MYOM1: variants seen among roughly 807,000 people sequenced by gnomAD.
MYOM1 encodes the protein myomesin 1.
In MYOM1, 164 loss-of-function variants were observed where a neutral mutation model predicts 205.3. The ratio of observed to expected loss-of-function variants is 0.80; its 90% CI spans 0.70 to 0.91. The LOEUF is 0.91. Among genes scored for constraint, MYOM1 ranks in the 40% least tolerant of loss-of-function variants. MYOM1 has a pLI of 0.00. For synonymous variants in MYOM1, 772 were observed against 789.4 expected, an observed-to-expected ratio of 0.98 and a Z score of 0.37; for missense variants, 2,011 against 2,127.3, an observed-to-expected ratio of 0.95 and a Z score of 1.08.
intron 2 of MYOM1, among the ~76,000 whole-genome samples, chr18:3,199,317 T>C (rs1335643764): frequency 6.6e-6 from 1 of 152,162 alleles, no homozygotes; most frequent in Admixed American, 6.5e-5. Flanking sequence ...GAGGTTACAG[T>C]CAGGCTTGGG....
chr18:3,117,983 G>C (rs78436700), intron 20 of MYOM1, among the ~76,000 whole-genome samples: 412 of 152,244 alleles, frequency 2.7e-3, no homozygotes, highest in African/African-American at 9.5e-3. Flanking sequence ...ACCCAGGGAG[G>C]CATCTAGATT....
At chr18:3,156,643 T>C (rs2080305556) in intron 10 of MYOM1, among the ~76,000 whole-genome samples, 1 of 151,260 alleles carries the variant, frequency 6.6e-6, no homozygotes, top group Non-Finnish European at 1.5e-5. Flanking sequence ...TCTTGCTCTG[T>C]CACCCAGGCT....
At chr18:3,100,677 A>G (rs774557250) in intron 23 of MYOM1, among the ~76,000 whole-genome samples, 4 of 152,170 alleles carry the variant, frequency 2.6e-5, no homozygotes, top group South Asian at 4.1e-4. Context: ...CACATGCCCA[A>G]GCTATGTTGC....
At position 3,193,813 on chromosome 18, in the gene MYOM1, C is replaced by T; in HGVS notation, c.431+5G>A. ...ATTAAAGCCAGGAAGAAAAAGCACA[C>T]TCACCGTCCTGAGAAAATGGGTACC... is the stretch of plus-strand genomic sequence containing the variant. On this transcript the variant is annotated splice_donor_5th_base_variant and intron_variant, in intron 3 of 37. Transcript: ENST00000356443. The T allele has an allele frequency of 6.2e-7, 1 of 1,610,640 alleles. No individual in the cohort carries two copies. The highest frequency in any genetic ancestry group is 8.5e-7 in the Non-Finnish European group (1 of 1,178,602).
chr18:3,093,901 T>C (rs1383741107), intron 26 of MYOM1, among the ~76,000 whole-genome samples: 3 of 152,196 alleles, frequency 2.0e-5, no homozygotes, highest in Non-Finnish European at 4.4e-5. Flanking sequence ...TCTATTTTCA[T>C]GGGGATCATA....
rs189042309 is a variant in MYOM1, at chr18:3,164,671, A to C, written c.1340-232T>G. Among the ~76,000 whole-genome samples the C allele has an allele frequency of 3.8e-3, 574 of 152,310 alleles. 2 individuals carry two copies. The highest frequency in any genetic ancestry group is 0.013 in the African/African-American group (550 of 41,566). ...ATCCGCAGGGGCCTCGTGTAAAATT[A>C]CATTACAAGGCCCCTTGTTCAAAAA... is the stretch of plus-strand genomic sequence containing the variant. On this transcript the variant is annotated intron_variant, in intron 9 of 37. Coordinates refer to ENST00000356443, the MANE Select transcript of MYOM1 (RefSeq NM_003803.4).
intron 16 of MYOM1, among the ~76,000 whole-genome samples, chr18:3,133,893 T>C (rs1377109572): frequency 6.6e-6 from 1 of 152,234 alleles, no homozygotes. Flanking sequence ...GACAGGGTCT[T>C]GCTCTGTTGC....
rs377535184 is a variant in MYOM1 at position 3,150,250 on chromosome 18, C to T, written c.1844-1049G>A. On this transcript the variant is annotated intron_variant, in intron 12 of 37. Transcript: ENST00000356443. ...AATTTTTTGTAATTTTTAGTAGAGACGGGGTTTCGCCATGTTGGCCCGGCT... is the reference window on the plus strand; with the variant it reads ...AATTTTTTGTAATTTTTAGTAGAGATGGGGTTTCGCCATGTTGGCCCGGCT... Among the ~76,000 whole-genome samples, 16 of 152,132 alleles carry T rather than the reference C, an allele frequency of 1.1e-4. 1 individual carries two copies. The highest frequency in any genetic ancestry group is 2.1e-4 in the South Asian group (1 of 4,812).
At chr18:3,126,628 G>A (rs764895565) in intron 19 of MYOM1, 73 bp downstream of exon 19, 15 of 1,363,128 alleles carry the variant, frequency 1.1e-5, no homozygotes, top group Non-Finnish European at 1.5e-5. Flanking sequence ...GGTGCTGGGT[G>A]TGTGCCTGCC....
intron 37 of MYOM1, among the ~76,000 whole-genome samples, chr18:3,070,341 C>T (rs1598641720): frequency 2.0e-5 from 3 of 152,076 alleles, no homozygotes; most frequent in East Asian, 1.9e-4. Flanking sequence ...TTTGTAGAGT[C>T]GGGGTCTCAT....
At chr18:3,159,224 C>A (rs1458455786) in intron 10 of MYOM1, among the ~76,000 whole-genome samples, 1 of 152,046 alleles carries the variant, frequency 6.6e-6, no homozygotes, top group Non-Finnish European at 1.5e-5. Context: ...ATTTTTTTCA[C>A]AATGAACACA....
intron 2 of MYOM1, among the ~76,000 whole-genome samples, chr18:3,205,183 A>T (rs2081112286): frequency 6.6e-6 from 1 of 152,172 alleles, no homozygotes; most frequent in African/African-American, 2.4e-5. Flanking sequence ...CTTAGATAAA[A>T]TACCAAAAGC....
At chr18:3,165,000 G>T (rs2080447285) in intron 9 of MYOM1, among the ~76,000 whole-genome samples, 1 of 152,140 alleles carries the variant, frequency 6.6e-6, no homozygotes, top group African/African-American at 2.4e-5. Flanking sequence ...GCAAGCTCAT[G>T]AATTAATTCC....
chr18:3,186,830 GAA>G (rs1324432297), intron 5 of MYOM1, among the ~76,000 whole-genome samples: 3 of 140,030 alleles, frequency 2.1e-5, no homozygotes, highest in Non-Finnish European at 4.6e-5. Context: ...GAAAGAGAAA[GAA>G]AGAAGAGAAA....
chr18:3,143,089 T>A lies in MYOM1; in HGVS notation c.1901-1026A>T, dbSNP rs147512511. On this transcript the variant is annotated intron_variant, in intron 13 of 37. Transcript: ENST00000356443. ...TATGAAGAAAGCTACACAATGCATA[T>A]CATAATCAAATGCTGAAAAAACAGT... Among the ~76,000 whole-genome samples the A allele has an allele frequency of 2.0e-5, 3 of 152,284 alleles. No homozygotes were observed. In the East Asian group the frequency reaches 5.8e-4, roughly 29 times the overall value.
chr18:3,083,427 C>CTTTTTTTTTTTTTTTTTT (rs35959808), intron 33 of MYOM1, among the ~76,000 whole-genome samples: 2 of 98,526 alleles, frequency 2.0e-5, no homozygotes, highest in Non-Finnish European at 3.7e-5. Context: ...TTTTCTTTTT[C>CTTTTTTTTTTTTTTTTTT]TTTTTTTTTT....
upstream of MYOM1, among the ~76,000 whole-genome samples, chr18:3,221,882 G>A (rs567445560): frequency 2.0e-5 from 3 of 152,254 alleles, no homozygotes; most frequent in East Asian, 3.9e-4. Context: ...TGTTCCCCAA[G>A]CATCCATTTG....
At chr18:3,191,844 C>T (rs866420206) in intron 3 of MYOM1, among the ~76,000 whole-genome samples, 26 of 151,822 alleles carry the variant, frequency 1.7e-4, no homozygotes, top group Non-Finnish European at 2.4e-4. Flanking sequence ...TACAGGTGCC[C>T]GCCACCACGC....
At chr18:3,144,150 G>A (rs28794896) in intron 13 of MYOM1, among the ~76,000 whole-genome samples, 17,951 of 151,958 alleles carry the variant, frequency 0.12, 1,349 homozygotes, top group African/African-American at 0.21. Context: ...AGCTTGCAGT[G>A]AGCCGAGACT....
Sources: gnomAD v4.1 joint callset for allele counts (sites outside exome capture counted in the v4.1 genomes callset) on GRCh38, gnomAD v4.1.1 for gene constraint, MANE v1.5 for transcripts, NCBI Gene and HGNC (gene_info 2026-07-23, HGNC 2026-07-21) for gene names.